The following DIXDC1 variants were observed in gnomAD, a reference collection of about 807,000 sequenced individuals.
DIXDC1 encodes DIX domain containing 1.
Under a neutral mutation model 103.1 loss-of-function variants are expected in DIXDC1, and 64 were observed. The ratio of observed to expected loss-of-function variants is 0.62; its 90% CI spans 0.51 to 0.76. The LOEUF is 0.76. Among genes scored for constraint, DIXDC1 ranks in the 30% least tolerant of loss-of-function variants. The pLI is 0.00. For missense variants in DIXDC1, 759 were observed against 834.2 expected (o/e 0.91, Z 1.11); for synonymous variants, 266 against 298.5 (o/e 0.89, Z 1.12).
At chr11:112,010,901 T>C (rs1861396506) in intron 17 of DIXDC1, among the ~76,000 whole-genome samples, 1 of 152,154 alleles carries the variant, frequency 6.6e-6, no homozygotes, top group Admixed American at 6.5e-5. Flanking sequence ...GACAAGGACT[T>C]CATGACTAAA....
chr11:111,951,241 A>G (rs587740801), intron 1 of DIXDC1, among the ~76,000 whole-genome samples: 9 of 152,324 alleles, frequency 5.9e-5, no homozygotes, highest in East Asian at 1.9e-4. Context: ...ACCAATTTCT[A>G]TAGAAGAATT....
intron 17 of DIXDC1, among the ~76,000 whole-genome samples, chr11:112,007,689 T>C (rs1469520929): frequency 6.6e-6 from 1 of 152,122 alleles, no homozygotes; most frequent in African/African-American, 2.4e-5. Flanking sequence ...AACGCAAAAT[T>C]TCATATCCAG....
chr11:112,016,632 T>A lies in DIXDC1; in HGVS notation c.1757-59T>A. 4 of 1,419,214 alleles carry A rather than the reference T, an allele frequency of 2.8e-6. No individual in the cohort carries two copies. The South Asian group carries it at 5.3e-5, about 19-fold the overall frequency. The allele number at this position is 1,419,214 out of a possible 1,614,324, so 87.9% of individuals were successfully genotyped here. ...GTTCTCCCGGGACACTTTGAATAAC[T>A]GCAGATGGCTGGTTTAGAGCAAATG... On this transcript the variant is annotated intron_variant, in intron 17 of 19. Coordinates refer to ENST00000440460, the MANE Select transcript of DIXDC1 (RefSeq NM_001037954.4).
chr11:112,012,097 G>A (rs587730799), intron 17 of DIXDC1, among the ~76,000 whole-genome samples: 1 of 152,312 alleles, frequency 6.6e-6, no homozygotes, highest in Non-Finnish European at 1.5e-5. Flanking sequence ...TTTATGGATT[G>A]GAGTACTCAA....
At chr11:112,001,108 TCA>T (rs1861052333) in intron 17 of DIXDC1, among the ~76,000 whole-genome samples, 1 of 152,226 alleles carries the variant, frequency 6.6e-6, no homozygotes, top group Admixed American at 6.5e-5. Flanking sequence ...GGAATATTAT[TCA>T]CCTATAAAGA....
intron 1 of DIXDC1, among the ~76,000 whole-genome samples, chr11:111,944,160 G>C (rs1966517004): frequency 6.6e-6 from 1 of 152,182 alleles, no homozygotes; most frequent in Non-Finnish European, 1.5e-5. Context: ...ATCTTCTGCT[G>C]CTGGAGGGTC....
At chr11:111,950,415 T>TATATATATATATATATAC (rs1437881730) in intron 1 of DIXDC1, among the ~76,000 whole-genome samples, 1 of 18,130 alleles carries the variant, frequency 5.5e-5, no homozygotes, top group East Asian at 1.8e-3. Flanking sequence ...AGTAGGTATA[T>TATATATATATATATATAC]ATATATATAT....
upstream of DIXDC1, chr11:111,937,319 C>T (rs587604417): frequency 6.0e-6 from 8 of 1,339,544 alleles, no homozygotes; most frequent in Admixed American, 3.6e-5. Context: ...GGCCCCCGTG[C>T]GAGCATGCCC....
In DIXDC1 at chr11:112,017,533, T is replaced by G. The variant is rs781800531; in HGVS notation, c.1863-244T>G. 2 of 266,648 alleles carry G rather than the reference T, an allele frequency of 7.5e-6. No individual in the cohort carries two copies. Among genetic ancestry groups the G allele is most frequent in the Non-Finnish European group, 1.4e-5 (2 of 140,734 alleles). 16.5% of individuals were successfully genotyped at this position (266,648 alleles called of 1,614,324 possible). The stretch of plus-strand genomic sequence containing the variant: ...TATTTCCAGAGAAAAGTGATTTGGC[T>G]TCTGAAGCAATAAGTCAATTTTAAA... On this transcript the variant is annotated intron_variant, in intron 18 of 19. Coordinates refer to ENST00000440460, the MANE Select transcript of DIXDC1 (RefSeq NM_001037954.4). The surrounding 1 kb of genome is among the most constrained non-coding windows in gnomAD (Gnocchi z 4.0).
At chr11:112,005,821 T>C (rs1861218544) in intron 17 of DIXDC1, among the ~76,000 whole-genome samples, 1 of 152,096 alleles carries the variant, frequency 6.6e-6, no homozygotes, top group Admixed American at 6.6e-5. Flanking sequence ...TCAGTAGAAG[T>C]AGTGTACAGA....
chr11:111,942,871 G>C (rs1415520639), intron 1 of DIXDC1, among the ~76,000 whole-genome samples: 1 of 152,154 alleles, frequency 6.6e-6, no homozygotes, highest in African/African-American at 2.4e-5. Context: ...ACTGCCATCA[G>C]TCGGAGCCTG....
At chr11:111,966,315 T>C (rs1435799064) in intron 2 of DIXDC1, among the ~76,000 whole-genome samples, 1 of 145,478 alleles carries the variant, frequency 6.9e-6, no homozygotes, top group African/African-American at 2.5e-5. Context: ...CTCCACCTTC[T>C]GGGTTCAAGC....
At chr11:111,948,530 T>G (rs1194280857) in intron 1 of DIXDC1, among the ~76,000 whole-genome samples, 45 of 151,912 alleles carry the variant, frequency 3.0e-4, no homozygotes, top group Non-Finnish European at 4.1e-4. Context: ...GGCCCAGTCC[T>G]GCTGAGCAGG....
At chr11:111,937,169 C>T, upstream of DIXDC1, 2 of 1,004,982 alleles carry the variant, frequency 2.0e-6, no homozygotes, top group Non-Finnish European at 2.4e-6. Context: ...GCGTGCAGCG[C>T]GCGCCCTCGC....
intron 3 of DIXDC1, among the ~76,000 whole-genome samples, chr11:111,970,536 C>G (rs1382146228): frequency 6.6e-6 from 1 of 151,930 alleles, no homozygotes; most frequent in East Asian, 1.9e-4. Flanking sequence ...GTGGTGCATG[C>G]CTGTAGTCCC....
chr11:111,977,482 A>T lies in DIXDC1; in HGVS notation c.656+2499A>T. The T allele has an allele frequency of 7.6e-7, 1 of 1,315,432 alleles. No homozygotes were observed. The highest frequency in any genetic ancestry group is 1.7e-5 in the South Asian group (1 of 58,344). The allele number at this position is 1,315,432 out of a possible 1,614,324, so 81.5% of individuals were successfully genotyped here. ...AGCGGCCAGGGGCCGGCAGCCTGCG[A>T]GGGGAGGCAGCTTCCGCCGGGGCCG... On this transcript the variant is annotated intron_variant, in intron 5 of 19. Coordinates refer to ENST00000440460, the MANE Select transcript of DIXDC1 (RefSeq NM_001037954.4). The surrounding 1 kb of genome is among the most constrained non-coding windows in gnomAD (Gnocchi z 6.1).
rs781808669 is a variant in DIXDC1 at position 111,964,633 on chromosome 11, G to C, written c.145G>C (p.Asp49His). The change falls in exon 2 of 20, where the codon GAT becomes CAT. Residue 49 changes from aspartate (D) to histidine (H), a missense_variant. Transcript: ENST00000440460. ...GAAGCCTGTGCAGGACCTGCGACAAGATCTCCGGGATGGGGTGATCCTGGC... is the reference window on the plus strand; with the variant it reads ...GAAGCCTGTGCAGGACCTGCGACAACATCTCCGGGATGGGGTGATCCTGGC... ...AVKPVQDLRQ[D>H]LRDGVILAYL... 6.2e-7 allele frequency: 1 copy of C among 1,612,286 alleles called. No homozygotes were observed. Among genetic ancestry groups the C allele is most frequent in the South Asian group, 1.1e-5 (1 of 90,496 alleles).
At chr11:111,997,597 T>C (rs1258173958) in intron 17 of DIXDC1, among the ~76,000 whole-genome samples, 3 of 152,234 alleles carry the variant, frequency 2.0e-5, no homozygotes, top group Non-Finnish European at 4.4e-5. Context: ...TAGCAGTGTT[T>C]CAAAATAGTC....
At chr11:111,949,338 C>T (rs188659444) in intron 1 of DIXDC1, among the ~76,000 whole-genome samples, 64 of 152,282 alleles carry the variant, frequency 4.2e-4, no homozygotes, top group Non-Finnish European at 7.3e-4. Flanking sequence ...ATTGACTTTT[C>T]CCAGTGCTTG....
Sources: allele counts gnomAD v4.1 joint callset (sites outside exome capture counted in the v4.1 genomes callset), GRCh38; gene constraint gnomAD v4.1.1; non-coding constraint Gnocchi (gnomAD v3.1); transcripts MANE v1.5; gene names NCBI Gene and HGNC (gene_info 2026-07-23, HGNC 2026-07-21).